SLC6A20: variants seen among roughly 807,000 people sequenced by gnomAD.
SLC6A20 encodes the protein solute carrier family 6 member 20.
SLC6A20 carries 73 observed loss-of-function variants against 64.3 expected under a neutral mutation model. The observed-to-expected ratio is 1.14, with a 90% CI of 0.94 to 1.38. The LOEUF is 1.38. SLC6A20 is among the 40% of genes most tolerant of loss of function. SLC6A20 has a pLI of 0.00. For missense variants in SLC6A20, 725 were observed against 772.8 expected (o/e 0.94, Z 0.73); for synonymous variants, 347 against 329.6 (o/e 1.05, Z -0.57).
intron 3 of SLC6A20, among the ~76,000 whole-genome samples, chr3:45,779,072 C>A (rs1700025656): frequency 6.6e-6 from 1 of 152,228 alleles, no homozygotes; most frequent in Non-Finnish European, 1.5e-5. Flanking sequence ...CAGTTCAGTC[C>A]ATAGTCCATG....
At position 45,786,524 on chromosome 3, in the gene SLC6A20, A is replaced by G. The variant is rs150337280; in HGVS notation, c.122-4301T>C. 3.4e-3 allele frequency among the ~76,000 whole-genome samples: 516 copies of G among 152,370 alleles called. 1 individual carries two copies. Among genetic ancestry groups the G allele is most frequent in the Middle Eastern group, 0.01 (3 of 294 alleles). Reference sequence around the variant, plus strand: ...CTGTGTCCTTGTCCAGAGGCACAAGATGTCAATGTGTTCCATTCACGGTGA... The same window carrying G: ...CTGTGTCCTTGTCCAGAGGCACAAGGTGTCAATGTGTTCCATTCACGGTGA... On this transcript the variant is annotated intron_variant, in intron 1 of 10. Transcript: ENST00000358525.
intron 1 of SLC6A20, among the ~76,000 whole-genome samples, chr3:45,789,948 C>T (rs1022927594): frequency 6.6e-6 from 1 of 152,162 alleles, no homozygotes; most frequent in Admixed American, 6.5e-5. Flanking sequence ...CAAACTCACA[C>T]CATATGTTAT....
chr3:45,761,517 A>G (rs975485921), intron 9 of SLC6A20, among the ~76,000 whole-genome samples: 1 of 151,890 alleles, frequency 6.6e-6, no homozygotes, highest in Non-Finnish European at 1.5e-5. Context: ...TTTATCCTGA[A>G]ACACTCACCC....
Position 45,757,010 on chromosome 3 carries a change from A to G in SLC6A20, c.*1968T>C, listed in dbSNP as rs1053752891. On this transcript the variant is annotated 3_prime_UTR_variant, in exon 11 of 11. Coordinates refer to ENST00000358525, the MANE Select transcript of SLC6A20 (RefSeq NM_020208.4). Reference sequence around the variant, plus strand: ...TGTGAGCAAAGGAATCTGTATCACGAATAAGTTCAAGGAAAGGTACTGTGC... The same window carrying G: ...TGTGAGCAAAGGAATCTGTATCACGGATAAGTTCAAGGAAAGGTACTGTGC... The G allele has an allele frequency of 2.6e-5, 4 of 152,102 alleles. No individual in the cohort carries two copies. The highest frequency in any genetic ancestry group is 7.2e-5 in the African/African-American group (3 of 41,404). The allele number at this position is 152,102 out of a possible 1,614,324, so 9.4% of individuals were successfully genotyped here.
intron 1 of SLC6A20, among the ~76,000 whole-genome samples, chr3:45,784,602 A>G (rs1700143691): frequency 6.6e-6 from 1 of 152,248 alleles, no homozygotes; most frequent in Admixed American, 6.5e-5. Flanking sequence ...CTTGAGAAAA[A>G]CTTTGTGCCA....
chr3:45,759,822 G>C lies in SLC6A20; in HGVS notation c.1629+35C>G, dbSNP rs1699632622. On this transcript the variant is annotated intron_variant, in intron 10 of 10. Transcript: ENST00000358525. ...GGCCCATGCTTTTCAGTGGCCATGG[G>C]GGCCCAGCGCCAGCCCTACGGAGAC... 3 of 1,578,454 alleles carry C rather than the reference G, an allele frequency of 1.9e-6. No individual in the cohort carries two copies. The African/African-American group carries it at 4.1e-5, about 22-fold the overall frequency.
At chr3:45,796,163 C>T in intron 1 of SLC6A20, 136 bp downstream of exon 1, 1 of 1,469,088 alleles carries the variant, frequency 6.8e-7, no homozygotes, top group Non-Finnish European at 9.1e-7. Flanking sequence ...ACTCCCGGGT[C>T]TGTAACTTCG....
rs781033702 is a variant in SLC6A20, at chr3:45,772,579, G to A, written c.619C>T (p.Leu207Phe). The change falls in exon 5 of 11, where the codon CTC (leucine) becomes TTC (phenylalanine). Residue 207 changes from leucine (L) to phenylalanine (F), a missense_variant. Transcript: ENST00000358525. The part of the protein sequence containing the change: ...YFTASLPYCV[L>F]IIYLIRGLTL... ...AGGCCCCTGATGAGGTAGATGATGA[G>A]CACGCAATAGGGCAGTGACGCCGTG... The A allele has an allele frequency of 1.7e-5, 27 of 1,613,870 alleles. No individual in the cohort carries two copies. The Admixed American group carries it at 4.2e-4, about 25-fold the overall frequency.
At position 45,758,502 on chromosome 3, in the gene SLC6A20, A is replaced by G. The variant is rs1699590186; in HGVS notation, c.*476T>C. ...ACACAGAAATTGCATATTCACTACA[A>G]CTCAAAAAAGAAGAGAATTAATTTT... On this transcript the variant is annotated 3_prime_UTR_variant, in exon 11 of 11. Transcript: ENST00000358525. 8.3e-7 allele frequency: 1 copy of G among 1,203,010 alleles called. No homozygotes were observed. Among genetic ancestry groups the G allele is most frequent in the Non-Finnish European group, 1.1e-6 (1 of 948,148 alleles). The allele number at this position is 1,203,010 out of a possible 1,614,324, so 74.5% of individuals were successfully genotyped here.
At chr3:45,763,236 G>C (rs901922848) in intron 8 of SLC6A20, among the ~76,000 whole-genome samples, 164 bp from the exon 9 acceptor site, 3 of 152,206 alleles carry the variant, frequency 2.0e-5, no homozygotes, top group Admixed American at 2.0e-4. Context: ...CTGAAGGTGT[G>C]TGCCACGTGT....
At position 45,770,326 on chromosome 3, in the gene SLC6A20, A is replaced by C; in HGVS notation, c.981T>G (p.Phe327Leu). 6.2e-7 allele frequency: 1 copy of C among 1,614,212 alleles called. No individual in the cohort carries two copies. Among genetic ancestry groups the C allele is most frequent in the Non-Finnish European group, 8.5e-7 (1 of 1,180,046 alleles). ...LTNTFDLEDG[F>L]LTASNLEQVK... ...CCTGCTCCAGGTTGCTGGCTGTCAA[A>C]AAGCCATCTTCAAGGTCAAAAGTGT... The change falls in exon 7 of 11, where the codon TTT becomes TTG. Residue 327 changes from phenylalanine (F) to leucine (L), a missense_variant. Transcript: ENST00000358525.
intron 5 of SLC6A20, chr3:45,772,236 G>A (rs1208194649): frequency 5.1e-6 from 2 of 395,466 alleles, no homozygotes; most frequent in Admixed American, 4.5e-5. Context: ...TGGCAGGGGT[G>A]CAGCAGTTGG....
intron 10 of SLC6A20, among the ~76,000 whole-genome samples, chr3:45,759,475 G>A (rs1699622410): frequency 1.3e-5 from 2 of 152,240 alleles, no homozygotes; most frequent in Admixed American, 1.3e-4. Flanking sequence ...ACTACTCTTA[G>A]CCTGGAATGG....
At chr3:45,793,496 A>AT (rs1328755075) in intron 1 of SLC6A20, among the ~76,000 whole-genome samples, 3 of 151,262 alleles carry the variant, frequency 2.0e-5, no homozygotes, top group African/African-American at 7.3e-5. Flanking sequence ...TTTATTTTTT[A>AT]TTTTTCTAGA....
chr3:45,760,105 A>G, intron 9 of SLC6A20, 83 bp from the exon 10 acceptor site: 2 of 1,447,520 alleles, frequency 1.4e-6, no homozygotes, highest in Non-Finnish European at 1.9e-6. Flanking sequence ...CCTATTCACA[A>G]AGGAACATTC....
chr3:45,756,303 G>C lies in SLC6A20; in HGVS notation c.*2675C>G, dbSNP rs567898651. The C allele has an allele frequency of 7.9e-5, 12 of 152,390 alleles. No individual in the cohort carries two copies. The East Asian group carries it at 1.9e-3, about 24-fold the overall frequency. The allele number at this position is 152,390 out of a possible 1,614,324, so 9.4% of individuals were successfully genotyped here. ...TGACTGTGAGTGGGGATTGAGAGGA[G>C]GGCCAGATCCTCCAGGATTCAGAGC... On this transcript the variant is annotated 3_prime_UTR_variant, in exon 11 of 11. Coordinates refer to ENST00000358525, the MANE Select transcript of SLC6A20 (RefSeq NM_020208.4).
intron 1 of SLC6A20, among the ~76,000 whole-genome samples, chr3:45,782,962 T>C (rs569013594): frequency 1.4e-4 from 21 of 152,252 alleles, no homozygotes; most frequent in Non-Finnish European, 2.9e-4. Context: ...CCAAGACAAT[T>C]GTGTTGTTAA....
At chr3:45,783,094 C>T (rs1190385846) in intron 1 of SLC6A20, among the ~76,000 whole-genome samples, 2 of 152,260 alleles carry the variant, frequency 1.3e-5, no homozygotes, top group Non-Finnish European at 2.9e-5. Flanking sequence ...CAGACACTTA[C>T]TAAGCACTTA....
rs1206202892 is a variant in SLC6A20 at position 45,755,814 on chromosome 3, GA to G, written c.*3163del. The G allele has an allele frequency of 6.6e-6, 1 of 152,588 alleles. No homozygotes were observed. Among genetic ancestry groups the G allele is most frequent in the African/African-American group, 2.4e-5 (1 of 41,444 alleles). 9.5% of individuals were successfully genotyped at this position (152,588 alleles called of 1,614,324 possible). A position where few individuals can be genotyped will look rare whatever the true frequency, so the allele number is the denominator to read the frequency against. ...CACAGAAACGAGACATTTTCATCTG[GA>G]GCACATTATTCTGTAACAGTGGTGC... is the stretch of plus-strand genomic sequence containing the variant. On this transcript the variant is annotated 3_prime_UTR_variant, in exon 11 of 11. Coordinates refer to ENST00000358525, the MANE Select transcript of SLC6A20 (RefSeq NM_020208.4).
Sources: gnomAD v4.1 joint callset for allele counts (sites outside exome capture counted in the v4.1 genomes callset) on GRCh38, gnomAD v4.1.1 for gene constraint, MANE v1.5 for transcripts, NCBI Gene and HGNC (gene_info 2026-07-23, HGNC 2026-07-21) for gene names.